The following CDH13 variants were observed in gnomAD, a reference collection of about 807,000 sequenced individuals.
CDH13 encodes the protein cadherin-13.
CDH13 carries 24 observed loss-of-function variants against 63.8 expected under a neutral mutation model. The observed-to-expected ratio is 0.38, with a 90% CI of 0.27 to 0.53. The LOEUF (loss-of-function observed/expected upper bound fraction) is 0.53. CDH13 is among the 20% of genes least tolerant of loss of function. The probability of loss-of-function intolerance (pLI) is 0.85; values close to 1 mark genes in which losing one functional copy is unlikely to be tolerated. For synonymous variants in CDH13, 503 were observed against 355.3 expected (o/e 1.42, Z -4.67); for missense variants, 1,049 against 903.1 (o/e 1.16, Z -2.07).
At chr16:83,004,402 G>C (rs1913261985) in intron 2 of CDH13, among the ~76,000 whole-genome samples, 1 of 152,156 alleles carries the variant, frequency 6.6e-6, no homozygotes, top group Non-Finnish European at 1.5e-5. Context: ...AAAAACAGAA[G>C]CTTAAACCAA....
chr16:83,701,752 A>G (rs1906266346), intron 10 of CDH13, among the ~76,000 whole-genome samples: 1 of 152,158 alleles, frequency 6.6e-6, no homozygotes, highest in African/African-American at 2.4e-5. Flanking sequence ...CCAATTGCCC[A>G]GCACTCCTGC....
intron 6 of CDH13, among the ~76,000 whole-genome samples, chr16:83,380,126 G>A (rs958601361): frequency 2.6e-5 from 4 of 152,022 alleles, no homozygotes; most frequent in African/African-American, 9.7e-5. Context: ...GCGTGAGGAT[G>A]AGAGTGGTTG....
intron 4 of CDH13, among the ~76,000 whole-genome samples, chr16:83,145,921 A>G (rs2036726746): frequency 6.6e-6 from 1 of 152,158 alleles, no homozygotes; most frequent in Admixed American, 6.5e-5. Flanking sequence ...GTAACTAATG[A>G]AAGGATGTTC....
intron 8 of CDH13, among the ~76,000 whole-genome samples, chr16:83,620,314 C>A (rs1909689564): frequency 6.6e-6 from 1 of 151,008 alleles, no homozygotes; most frequent in Non-Finnish European, 1.5e-5. Flanking sequence ...TTGTTTGAAC[C>A]CAGGAGGCGG....
rs1913163925 is a variant in CDH13 at position 83,658,926 on chromosome 16, C to G, written c.1102-11864C>G. Among the ~76,000 whole-genome samples the G allele has an allele frequency of 2.1e-5, 3 of 143,506 alleles. No individual in the cohort carries two copies. In the South Asian group the frequency reaches 7.1e-4, roughly 34 times the overall value. 94.1% of individuals were successfully genotyped at this position (143,506 alleles called of 152,430 possible). On this transcript the variant is annotated intron_variant, in intron 8 of 13. Coordinates refer to ENST00000567109, the MANE Select transcript of CDH13 (RefSeq NM_001257.5). ...CACCAGCAAGGTCCCATATCCTCAC[C>G]AGCAAGGTCCCATGTCCTCACCACC...
chr16:82,907,729 G>T (rs1331168639), intron 2 of CDH13, among the ~76,000 whole-genome samples: 2 of 152,280 alleles, frequency 1.3e-5, no homozygotes, highest in East Asian at 3.9e-4. Context: ...GTGTGAGGAA[G>T]GAGTCTCTCT....
chr16:83,711,521 T>G (rs1908049964), intron 10 of CDH13, among the ~76,000 whole-genome samples: 1 of 152,142 alleles, frequency 6.6e-6, no homozygotes, highest in South Asian at 2.1e-4. Context: ...TTTTTGTTTT[T>G]TGTTTTTTGT....
chr16:83,214,215 G>A (rs1484849650), intron 4 of CDH13, among the ~76,000 whole-genome samples: 1 of 152,012 alleles, frequency 6.6e-6, no homozygotes, highest in Non-Finnish European at 1.5e-5. Context: ...TGTGCTTGGT[G>A]ACCCCTTCCC....
In CDH13 at chr16:83,517,828, C is replaced by T. The variant is rs1206000437; in HGVS notation, c.960+31173C>T. 2.0e-5 allele frequency among the ~76,000 whole-genome samples: 3 copies of T among 152,282 alleles called. No homozygotes were observed. The East Asian group carries it at 5.8e-4, about 29-fold the overall frequency. ...TTTTAGCTTTAATGGTAATAGAATA[C>T]ACGTGGCACTCTCACTAAATGCAAG... is the stretch of plus-strand genomic sequence containing the variant. On this transcript the variant is annotated intron_variant, in intron 7 of 13. Coordinates refer to ENST00000567109, the MANE Select transcript of CDH13 (RefSeq NM_001257.5).
In CDH13 at chr16:83,662,670, T is replaced by C. The variant is rs141479254; in HGVS notation, c.1102-8120T>C. Among the ~76,000 whole-genome samples, 1,000 of 152,106 alleles carry C rather than the reference T, an allele frequency of 6.6e-3. 16 individuals carry two copies. The highest frequency in any genetic ancestry group is 0.023 in the African/African-American group (947 of 41,472). On this transcript the variant is annotated intron_variant, in intron 8 of 13. Coordinates refer to ENST00000567109, the MANE Select transcript of CDH13 (RefSeq NM_001257.5). Reference sequence around the variant, plus strand: ...ATGTTTAATATTTTTCATAACAAGATGTGAAAAAGAAAAAATACTTGAGAA... The same window carrying C: ...ATGTTTAATATTTTTCATAACAAGACGTGAAAAAGAAAAAATACTTGAGAA...
intron 1 of CDH13, among the ~76,000 whole-genome samples, chr16:82,848,183 G>T (rs925143542): frequency 6.6e-6 from 1 of 152,224 alleles, no homozygotes; most frequent in Non-Finnish European, 1.5e-5. Context: ...TTCAGCTGGT[G>T]AGTGGCATCA....
chr16:82,678,576 C>G (rs1321329922), intron 1 of CDH13, among the ~76,000 whole-genome samples: 2 of 152,172 alleles, frequency 1.3e-5, no homozygotes, highest in East Asian at 1.9e-4. Flanking sequence ...TTGTCAGAAG[C>G]TTGAGTGACT....
At chr16:83,644,967 C>T (rs1035334365) in intron 8 of CDH13, among the ~76,000 whole-genome samples, 6 of 152,198 alleles carry the variant, frequency 3.9e-5, no homozygotes, top group African/African-American at 9.6e-5. Flanking sequence ...GGGCTCCTCG[C>T]TTGGACTTCA....
intron 2 of CDH13, among the ~76,000 whole-genome samples, chr16:82,995,273 G>A (rs1912076759): frequency 6.6e-6 from 1 of 152,140 alleles, no homozygotes; most frequent in Admixed American, 6.5e-5. Flanking sequence ...AGATTTTGCT[G>A]GGCTCGTGGT....
At chr16:83,386,766 C>T (rs1000413833) in intron 6 of CDH13, among the ~76,000 whole-genome samples, 6 of 152,206 alleles carry the variant, frequency 3.9e-5, no homozygotes, top group Non-Finnish European at 7.3e-5. Flanking sequence ...TGTTTGTTGG[C>T]TGCTGGTATT....
intron 4 of CDH13, among the ~76,000 whole-genome samples, chr16:83,205,011 A>G (rs2039140834): frequency 6.6e-6 from 1 of 152,242 alleles, no homozygotes; most frequent in South Asian, 2.1e-4. Flanking sequence ...GCCAAGGAAG[A>G]ACACTGCTGT....
intron 2 of CDH13, among the ~76,000 whole-genome samples, chr16:82,956,012 G>T (rs75737441): frequency 6.6e-6 from 1 of 152,098 alleles, no homozygotes; most frequent in Non-Finnish European, 1.5e-5. Context: ...ACTGCCTCTT[G>T]GATGTCCCAT....
chr16:82,705,456 G>T (rs1452550382), intron 1 of CDH13, among the ~76,000 whole-genome samples: 1 of 152,154 alleles, frequency 6.6e-6, no homozygotes, highest in Admixed American at 6.6e-5. Flanking sequence ...AATTAGCTCG[G>T]CTTCCTGCAT....
intron 10 of CDH13, among the ~76,000 whole-genome samples, chr16:83,685,071 G>A (rs917135076): frequency 1.3e-5 from 2 of 152,148 alleles, no homozygotes; most frequent in African/African-American, 4.8e-5. Flanking sequence ...CAGACAGCAG[G>A]ATGGGAAATG....
Sources: allele counts gnomAD v4.1 joint callset (sites outside exome capture counted in the v4.1 genomes callset), GRCh38; gene constraint gnomAD v4.1.1; transcripts MANE v1.5; gene names NCBI Gene and HGNC (gene_info 2026-07-23, HGNC 2026-07-21).